Variants in ZMYM1 observed in about 807,000 individuals in gnomAD.
ZMYM1 encodes the protein zinc finger MYM-type containing 1.
Under a neutral mutation model 60.0 loss-of-function variants are expected in ZMYM1, and 39 were observed. The ratio of observed to expected loss-of-function variants is 0.65; its 90% CI spans 0.50 to 0.85. The LOEUF (loss-of-function observed/expected upper bound fraction) is 0.85, where lower values mean the gene tolerates loss of function less well. ZMYM1 is among the 40% of genes least tolerant of loss of function. The probability of loss-of-function intolerance (pLI) is 0.00; values close to 1 mark genes in which losing one functional copy is unlikely to be tolerated. For synonymous variants in ZMYM1, 413 were observed against 454.0 expected (o/e 0.91, Z 1.15); for missense variants, 1,171 against 1,309.5 (o/e 0.89, Z 1.63).
intron 1 of ZMYM1, among the ~76,000 whole-genome samples, chr1:35,081,091 T>G (rs1237314505): frequency 6.6e-6 from 1 of 151,998 alleles, no homozygotes; most frequent in East Asian, 1.9e-4. Context: ...ACACCACACC[T>G]GGCTAATTTT....
chr1:35,087,820 T>C (rs1642740132), intron 1 of ZMYM1, among the ~76,000 whole-genome samples: 1 of 151,866 alleles, frequency 6.6e-6, no homozygotes, highest in African/African-American at 2.4e-5. Flanking sequence ...CCCAGCACTT[T>C]GGGAGGCTGA....
At chr1:35,095,218 A>G (rs1465535091) in intron 2 of ZMYM1, among the ~76,000 whole-genome samples, 1 of 151,968 alleles carries the variant, frequency 6.6e-6, no homozygotes, top group Non-Finnish European at 1.5e-5. Flanking sequence ...TGATTAGAGC[A>G]AGCAGGGAAG....
At chr1:35,105,450 T>C (rs971959942) in intron 6 of ZMYM1, among the ~76,000 whole-genome samples, 29 of 145,376 alleles carry the variant, frequency 2.0e-4, no homozygotes, top group Non-Finnish European at 1.5e-5. Flanking sequence ...TTTATTTTTT[T>C]TGAGACGGAG....
At chr1:35,099,176 C>G (rs1177465941) in intron 4 of ZMYM1, among the ~76,000 whole-genome samples, 1 of 152,206 alleles carries the variant, frequency 6.6e-6, no homozygotes, top group Non-Finnish European at 1.5e-5. Context: ...TTTGCTTCAG[C>G]TCCTCTGGCT....
upstream of ZMYM1, among the ~76,000 whole-genome samples, chr1:35,077,790 G>A (rs1367748590): frequency 6.6e-6 from 1 of 152,032 alleles, no homozygotes; most frequent in East Asian, 1.9e-4. Flanking sequence ...CCAAATGCTC[G>A]AGGAGACTGA....
At chr1:35,068,418 CAAA>C (rs58187268) in intron 1 of ZMYM1, among the ~76,000 whole-genome samples, 3 of 62,564 alleles carry the variant, frequency 4.8e-5, no homozygotes. Context: ...AACTCTGCCT[CAAA>C]AAAAAAAAAA....
chr1:35,116,977 G>A (rs1214912533), downstream of ZMYM1, among the ~76,000 whole-genome samples: 2 of 149,496 alleles, frequency 1.3e-5, no homozygotes, highest in Non-Finnish European at 3.0e-5. Flanking sequence ...CCGAGTAGCT[G>A]GGACTACAGG....
rs373210623 is a variant in ZMYM1 at position 35,114,043 on chromosome 1, C to T, written c.2213C>T (p.Pro738Leu). ...KIAAEFKKEE[P>L]RALYIHCYAH... is the part of the protein sequence containing the mutation. ...GCAGCAGAATTCAAGAAAGAAGAACCAAGAGCTTTATACATACATTGTTAT... is the reference window on the plus strand; with the variant it reads ...GCAGCAGAATTCAAGAAAGAAGAACTAAGAGCTTTATACATACATTGTTAT... Residue 738 changes from proline (P) to leucine (L), a missense_variant, in exon 10 of 10, where the codon CCA becomes CTA. By Grantham distance (98) the Pro-to-Leu change is moderately conservative (BLOSUM62 -3). Transcript: ENST00000359858. The T allele has an allele frequency of 1.2e-6, 2 of 1,606,740 alleles. No homozygotes were observed. Among genetic ancestry groups the T allele is most frequent in the Non-Finnish European group, 1.7e-6 (2 of 1,178,236 alleles).
At chr1:35,106,987 G>C (rs1178454572) in intron 6 of ZMYM1, among the ~76,000 whole-genome samples, 7 of 151,690 alleles carry the variant, frequency 4.6e-5, no homozygotes, top group African/African-American at 1.7e-4. Context: ...GAGCAGCTGG[G>C]ACTACAGGTG....
upstream of ZMYM1, among the ~76,000 whole-genome samples, chr1:35,078,219 G>T (rs557482328): frequency 2.0e-5 from 3 of 152,244 alleles, no homozygotes; most frequent in Admixed American, 6.5e-5. Context: ...TTACCAAAGG[G>T]TTTATATTAG....
intron 6 of ZMYM1, among the ~76,000 whole-genome samples, chr1:35,106,838 TTTGTTG>T (rs200589076): frequency 7.3e-5 from 11 of 151,224 alleles, no homozygotes; most frequent in South Asian, 6.3e-4. Flanking sequence ...TGGGTTGTTT[TTTGTTG>T]TTGTTGTTGT....
intron 4 of ZMYM1, among the ~76,000 whole-genome samples, chr1:35,098,170 TAA>T (rs775632381): frequency 3.3e-5 from 5 of 152,202 alleles, no homozygotes; most frequent in Non-Finnish European, 7.3e-5. Flanking sequence ...AGCAACCTAC[TAA>T]AAAATTAATC....
Position 35,093,977 on chromosome 1 carries a change from C to A in ZMYM1, c.-11C>A. On this transcript the variant is annotated 5_prime_UTR_variant, in exon 2 of 10. Coordinates refer to ENST00000359858, the MANE Select transcript of ZMYM1 (RefSeq NM_024772.5). ...TTGGAACTGGAGAATTCCTTTGCAT[C>A]AGATACTAAAATGAAAGAACCACTT... 1 of 1,584,782 alleles carries A rather than the reference C, an allele frequency of 6.3e-7. No homozygotes were observed. The highest frequency in any genetic ancestry group is 1.2e-5 in the South Asian group (1 of 86,690).
chr1:35,107,092 C>G (rs1298685104), intron 6 of ZMYM1, among the ~76,000 whole-genome samples: 1 of 149,652 alleles, frequency 6.7e-6, no homozygotes, highest in African/African-American at 2.4e-5. Context: ...ACCTCGTGAT[C>G]CGCCCGCCTC....
intron 1 of ZMYM1, among the ~76,000 whole-genome samples, chr1:35,061,232 C>A (rs770373105): frequency 6.6e-6 from 1 of 152,196 alleles, no homozygotes; most frequent in Non-Finnish European, 1.5e-5. Flanking sequence ...CCAGGCACCA[C>A]GCTGGGTGCT....
chr1:35,098,386 T>C (rs1643454383), intron 4 of ZMYM1, among the ~76,000 whole-genome samples: 2 of 152,212 alleles, frequency 1.3e-5, no homozygotes, highest in African/African-American at 2.4e-5. Context: ...ATAATTATGG[T>C]TGTTAGCACT....
intron 6 of ZMYM1, among the ~76,000 whole-genome samples, chr1:35,108,051 G>T (rs1310595057): frequency 6.6e-6 from 1 of 152,074 alleles, no homozygotes; most frequent in African/African-American, 2.4e-5. Context: ...GGTAAAGGTT[G>T]TAGTGAGCCG....
chr1:35,112,474 G>C (rs752763246), intron 9 of ZMYM1, among the ~76,000 whole-genome samples: 1 of 144,458 alleles, frequency 6.9e-6, no homozygotes, highest in African/African-American at 2.6e-5. Context: ...CACCACACCT[G>C]GCCCAGATTT....
intron 4 of ZMYM1, among the ~76,000 whole-genome samples, chr1:35,100,340 G>A (rs1013605437): frequency 6.6e-6 from 1 of 151,934 alleles, no homozygotes; most frequent in Non-Finnish European, 1.5e-5. Context: ...GCGATTTGTG[G>A]GCCAAGCGAG....
Sources: gnomAD v4.1 joint callset for allele counts (sites outside exome capture counted in the v4.1 genomes callset) on GRCh38, gnomAD v4.1.1 for gene constraint, MANE v1.5 for transcripts, NCBI Gene and HGNC (gene_info 2026-07-23, HGNC 2026-07-21) for gene names.